The following ANKRD29 variants were observed in gnomAD, a reference collection of about 807,000 sequenced individuals.
The protein encoded by ANKRD29 is ankyrin repeat domain-containing protein 29.
Under a neutral mutation model 38.0 loss-of-function variants are expected in ANKRD29, and 32 were observed. The ratio of observed to expected loss-of-function variants is 0.84; its 90% CI spans 0.64 to 1.13. ANKRD29 has a LOEUF of 1.13. Ranked by LOEUF, ANKRD29 falls within the 50% of genes most tolerant of loss-of-function variation. The pLI is 0.00. For missense variants in ANKRD29, 357 were observed against 377.9 expected (o/e 0.94, Z 0.46); for synonymous variants, 135 against 152.4 (o/e 0.89, Z 0.84).
intron 4 of ANKRD29, among the ~76,000 whole-genome samples, chr18:23,638,144 T>C (rs1044674922): frequency 5.3e-4 from 80 of 152,032 alleles, no homozygotes; most frequent in African/African-American, 1.8e-3. Flanking sequence ...ATTACAGGCA[T>C]GTGCCATCAC....
chr18:23,635,615 T>C (rs1034355652), intron 4 of ANKRD29, among the ~76,000 whole-genome samples: 2 of 152,198 alleles, frequency 1.3e-5, no homozygotes, highest in African/African-American at 4.8e-5. Flanking sequence ...GAATCATAAA[T>C]ATAAGATACT....
At position 23,634,138 on chromosome 18, in the gene ANKRD29, G is replaced by A. The variant is rs35228796; in HGVS notation, c.342C>T (p.Thr114=). 8,577 of 1,614,082 alleles carry A rather than the reference G, an allele frequency of 5.3e-3. 264 individuals are homozygous for A. In the African/African-American group the frequency reaches 0.077, roughly 14 times the overall value. Residue 114 remains threonine, a synonymous_variant, in exon 5 of 10, where the codon ACC becomes ACT. Transcript: ENST00000592179. The part of the protein sequence containing the change: ...STEFRTKDGG[T]ALLAASQYGH... ...CGTACTGACTGGCAGCCAACAGGGC[G>A]GTGCCCCCGTCCTATGGACATGCAA...
chr18:23,636,897 A>T (rs931455851), intron 4 of ANKRD29, among the ~76,000 whole-genome samples: 1 of 152,204 alleles, frequency 6.6e-6, no homozygotes, highest in African/African-American at 2.4e-5. Context: ...GTTTTGGGGC[A>T]TATAGATTTA....
chr18:23,652,081 T>C (rs1211109606), intron 1 of ANKRD29, among the ~76,000 whole-genome samples: 1 of 152,044 alleles, frequency 6.6e-6, no homozygotes, highest in Non-Finnish European at 1.5e-5. Context: ...GGGTTGGACA[T>C]GGTGGGTTTC....
chr18:23,611,551 G>C (rs1350154179), intron 9 of ANKRD29, among the ~76,000 whole-genome samples: 3 of 152,134 alleles, frequency 2.0e-5, no homozygotes, highest in African/African-American at 7.2e-5. Flanking sequence ...CGGGCATGGT[G>C]GTCTGCGCCG....
intron 9 of ANKRD29, among the ~76,000 whole-genome samples, chr18:23,604,416 T>A (rs1384382314): frequency 6.6e-6 from 1 of 152,216 alleles, no homozygotes; most frequent in Non-Finnish European, 1.5e-5. Context: ...TATGTCAGCC[T>A]GTTTTTATTT....
In ANKRD29 at chr18:23,600,751, T is replaced by C. The variant is rs1393726279; in HGVS notation, c.*475A>G. On this transcript the variant is annotated 3_prime_UTR_variant, in exon 10 of 10. Transcript: ENST00000592179. ...GAGAATGTTTTATACTGGAATGACA[T>C]ACATATGTAGGTAAAATATGATAGA... 1 of 153,982 alleles carries C rather than the reference T, an allele frequency of 6.5e-6. No homozygotes were observed. The highest frequency in any genetic ancestry group is 1.5e-5 in the Non-Finnish European group (1 of 68,884). The allele number at this position is 153,982 out of a possible 1,614,324, so 9.5% of individuals were successfully genotyped here. A position where few individuals can be genotyped will look rare whatever the true frequency, so the allele number is the denominator to read the frequency against.
intron 3 of ANKRD29, 150 bp downstream of exon 3, chr18:23,646,039 G>A: frequency 1.4e-6 from 1 of 697,470 alleles, no homozygotes; most frequent in Non-Finnish European, 2.4e-6. Flanking sequence ...TACGTTGCTG[G>A]ACCTCATTGT....
At chr18:23,629,330 T>C (rs562485147) in intron 6 of ANKRD29, among the ~76,000 whole-genome samples, 4 of 152,376 alleles carry the variant, frequency 2.6e-5, no homozygotes, top group African/African-American at 9.6e-5. Context: ...TGCTAGCTGT[T>C]AGCTTGCTGT....
intron 1 of ANKRD29, among the ~76,000 whole-genome samples, chr18:23,658,440 T>C (rs1317649428): frequency 6.6e-6 from 1 of 152,158 alleles, no homozygotes; most frequent in African/African-American, 2.4e-5. Flanking sequence ...ACTTGTGTGA[T>C]TTCACAGGCT....
At chr18:23,612,042 G>A (rs1387607901) in intron 9 of ANKRD29, 50 bp downstream of exon 9, 24 of 1,524,552 alleles carry the variant, frequency 1.6e-5, no homozygotes, top group East Asian at 2.2e-5. Context: ...CCTGGCCTAG[G>A]AGGACACATC....
chr18:23,633,997 T>C (rs1431391043), intron 5 of ANKRD29, 54 bp downstream of exon 5: 1 of 1,563,900 alleles, frequency 6.4e-7, no homozygotes, highest in South Asian at 1.1e-5. Context: ...GAATTTAGAC[T>C]GCAATTTTGT....
At chr18:23,655,780 C>CT (rs1433819950) in intron 1 of ANKRD29, among the ~76,000 whole-genome samples, 27 of 147,052 alleles carry the variant, frequency 1.8e-4, no homozygotes, top group Admixed American at 1.4e-4. Context: ...AAATAATTCT[C>CT]TGAGTTTCGT....
intron 1 of ANKRD29, among the ~76,000 whole-genome samples, chr18:23,652,346 G>C (rs1014065361): frequency 4.6e-5 from 7 of 152,172 alleles, no homozygotes; most frequent in Non-Finnish European, 5.9e-5. Flanking sequence ...GGCAAGTCAG[G>C]CTTCAGCAAC....
At chr18:23,650,741 A>G (rs1470836378) in intron 1 of ANKRD29, among the ~76,000 whole-genome samples, 3 of 152,124 alleles carry the variant, frequency 2.0e-5, no homozygotes, top group African/African-American at 7.2e-5. Context: ...AATGATGCTG[A>G]TTTTTGCCTA....
At chr18:23,662,177 G>A (rs113982981) in intron 1 of ANKRD29, among the ~76,000 whole-genome samples, 4 of 152,122 alleles carry the variant, frequency 2.6e-5, no homozygotes, top group African/African-American at 9.7e-5. Context: ...TTCAATCGAG[G>A]CAAATCAACC....
chr18:23,646,438 A>T (rs762495156), intron 2 of ANKRD29, 151 bp from the exon 3 acceptor site: 10 of 559,676 alleles, frequency 1.8e-5, no homozygotes, highest in Admixed American at 3.3e-5. Flanking sequence ...GAATAATCTC[A>T]TCATGCAGCC....
intron 8 of ANKRD29, among the ~76,000 whole-genome samples, chr18:23,613,682 C>T (rs1441294365): frequency 6.7e-6 from 1 of 149,958 alleles, no homozygotes; most frequent in Admixed American, 6.7e-5. Flanking sequence ...TCACTGCAAG[C>T]TCTGCCTCCC....
At chr18:23,604,322 A>G (rs2059549396) in intron 9 of ANKRD29, among the ~76,000 whole-genome samples, 1 of 152,106 alleles carries the variant, frequency 6.6e-6, no homozygotes, top group Non-Finnish European at 1.5e-5. Flanking sequence ...CTTGTCCTGT[A>G]TATTCCTTCC....
Sources: allele counts gnomAD v4.1 joint callset (sites outside exome capture counted in the v4.1 genomes callset), GRCh38; gene constraint gnomAD v4.1.1; transcripts MANE v1.5; gene names NCBI Gene and HGNC (gene_info 2026-07-23, HGNC 2026-07-21).